FHIT: variants seen among roughly 807,000 people sequenced by gnomAD.
FHIT encodes fragile histidine triad diadenosine triphosphatase, also known as bis(5'-adenosyl)-triphosphatase.
Under a neutral mutation model 17.9 loss-of-function variants are expected in FHIT, and 19 were observed. The observed-to-expected ratio is 1.06, with a 90% CI of 0.74 to 1.56. The LOEUF (loss-of-function observed/expected upper bound fraction) is 1.56, where lower values mean the gene tolerates loss of function less well. Ranked by LOEUF, FHIT falls within the 40% of genes most tolerant of loss-of-function variation. The pLI, the probability that FHIT is intolerant of heterozygous loss-of-function variation, is 0.00. For synonymous variants in FHIT, 81 were observed against 69.7 expected (o/e 1.16, Z -0.81); for missense variants, 248 against 189.2 (o/e 1.31, Z -1.82).
chr3:59,848,451 A>G (rs2106780402), intron 8 of FHIT, among the ~76,000 whole-genome samples: 1 of 152,328 alleles, frequency 6.6e-6, no homozygotes, highest in Non-Finnish European at 1.5e-5. Context: ...TAAAAAAATC[A>G]CAGACCTTTA....
At chr3:60,118,939 T>TA (rs937622999) in intron 5 of FHIT, among the ~76,000 whole-genome samples, 3 of 150,644 alleles carry the variant, frequency 2.0e-5, no homozygotes, top group Non-Finnish European at 4.4e-5. Context: ...AAGAATCACT[T>TA]AAACGTGGGA....
intron 4 of FHIT, among the ~76,000 whole-genome samples, chr3:60,761,406 A>G (rs1699651367): frequency 6.6e-6 from 1 of 152,190 alleles, no homozygotes; most frequent in African/African-American, 2.4e-5. Context: ...CATGAGCAAA[A>G]TTTTAAGACA....
chr3:61,086,843 T>A (rs571781890), intron 2 of FHIT, among the ~76,000 whole-genome samples: 1 of 152,160 alleles, frequency 6.6e-6, no homozygotes, highest in Non-Finnish European at 1.5e-5. Context: ...AATTTGCTAA[T>A]GTGCTGATAA....
intron 3 of FHIT, among the ~76,000 whole-genome samples, chr3:60,961,224 A>G (rs1553780648): frequency 6.6e-6 from 1 of 152,178 alleles, no homozygotes. Flanking sequence ...GGCTCCATAA[A>G]TGTCTTCTTT....
intron 5 of FHIT, among the ~76,000 whole-genome samples, chr3:60,380,359 T>C (rs1700747255): frequency 6.6e-6 from 1 of 152,208 alleles, no homozygotes; most frequent in Non-Finnish European, 1.5e-5. Flanking sequence ...AAGTTTCCTC[T>C]GGCCTCTGCA....
chr3:60,732,250 C>G, intron 4 of FHIT: 1 of 875,154 alleles, frequency 1.1e-6, no homozygotes, highest in South Asian at 1.3e-5. Flanking sequence ...TTCACCATGC[C>G]AAAGACCACA....
At chr3:60,749,948 C>T (rs1304949533) in intron 4 of FHIT, among the ~76,000 whole-genome samples, 2 of 152,146 alleles carry the variant, frequency 1.3e-5, no homozygotes, top group Admixed American at 6.5e-5. Context: ...ATAAGTCTGA[C>T]ACTAAACTGG....
intron 4 of FHIT, among the ~76,000 whole-genome samples, chr3:60,557,812 C>G (rs1213920236): frequency 1.3e-5 from 2 of 151,932 alleles, no homozygotes; most frequent in African/African-American, 2.4e-5. Flanking sequence ...ATTTTGAGTC[C>G]AAGTAAAACA....
At chr3:59,769,558 A>G (rs1024134283) in intron 8 of FHIT, among the ~76,000 whole-genome samples, 1 of 152,198 alleles carries the variant, frequency 6.6e-6, no homozygotes, top group Non-Finnish European at 1.5e-5. Context: ...TTTAATCAGT[A>G]TATATAATTA....
chr3:61,105,998 A>C (rs575934683), intron 2 of FHIT, among the ~76,000 whole-genome samples: 2 of 152,306 alleles, frequency 1.3e-5, no homozygotes, highest in East Asian at 3.9e-4. Flanking sequence ...TAAAAGGCCA[A>C]GCCTCCTGTA....
At chr3:60,827,429 T>C (rs558818612) in intron 3 of FHIT, among the ~76,000 whole-genome samples, 29 of 152,312 alleles carry the variant, frequency 1.9e-4, no homozygotes, top group Admixed American at 1.7e-3. Context: ...AAAATGGGAT[T>C]TGGATTGGTT....
intron 5 of FHIT, among the ~76,000 whole-genome samples, chr3:60,218,318 T>C (rs1411726759): frequency 6.6e-6 from 1 of 152,162 alleles, no homozygotes; most frequent in Non-Finnish European, 1.5e-5. Flanking sequence ...AACAAAGCTT[T>C]CAAGTAATGT....
At chr3:60,046,944 A>C (rs1439833779) in intron 5 of FHIT, among the ~76,000 whole-genome samples, 1 of 152,234 alleles carries the variant, frequency 6.6e-6, no homozygotes, top group African/African-American at 2.4e-5. Flanking sequence ...GATTTTAGGA[A>C]ATCAAGTATA....
intron 3 of FHIT, among the ~76,000 whole-genome samples, chr3:60,879,842 GA>G (rs1193352132): frequency 8.9e-5 from 13 of 145,374 alleles, no homozygotes; most frequent in East Asian, 4.0e-4. Flanking sequence ...TAGCTAGAGA[GA>G]AAAAAAAATA....
At position 59,966,439 on chromosome 3, in the gene FHIT, T is replaced by C. The variant is rs552616546; in HGVS notation, c.280-44025A>G. On this transcript the variant is annotated intron_variant, in intron 7 of 9. Coordinates refer to ENST00000492590, the MANE Select transcript of FHIT (RefSeq NM_002012.4). The stretch of plus-strand genomic sequence containing the variant: ...TGTGTTACTTAACAATGGGGATACA[T>C]GCTGAGAAGTATACTAGTATATTTC... Among the ~76,000 whole-genome samples the C allele has an allele frequency of 9.2e-5, 14 of 152,308 alleles. No individual in the cohort carries two copies. The South Asian group carries it at 2.7e-3, about 29-fold the overall frequency.
chr3:61,061,108 G>C (rs1470191464), intron 2 of FHIT, among the ~76,000 whole-genome samples: 1 of 152,188 alleles, frequency 6.6e-6, no homozygotes, highest in Non-Finnish European at 1.5e-5. Flanking sequence ...CCCACAAAGA[G>C]ATAAAATCTG....
At chr3:61,128,282 C>T (rs1369494916) in intron 2 of FHIT, among the ~76,000 whole-genome samples, 1 of 152,180 alleles carries the variant, frequency 6.6e-6, no homozygotes, top group Non-Finnish European at 1.5e-5. Context: ...GAAAAACCTA[C>T]AACTTTGATG....
At chr3:60,490,246 A>G (rs2034006523) in intron 5 of FHIT, among the ~76,000 whole-genome samples, 1 of 152,128 alleles carries the variant, frequency 6.6e-6, no homozygotes, top group Non-Finnish European at 1.5e-5. Flanking sequence ...TAATATTTTC[A>G]TAACATCTAG....
At chr3:59,779,607 G>C (rs1702481432) in intron 8 of FHIT, among the ~76,000 whole-genome samples, 1 of 151,738 alleles carries the variant, frequency 6.6e-6, no homozygotes, top group Non-Finnish European at 1.5e-5. Flanking sequence ...TATAAGCTAA[G>C]TTACACTACC....
Sources: allele counts gnomAD v4.1 joint callset (sites outside exome capture counted in the v4.1 genomes callset), GRCh38; gene constraint gnomAD v4.1.1; transcripts MANE v1.5; gene names NCBI Gene and HGNC (gene_info 2026-07-23, HGNC 2026-07-21).